SUGCT: variants seen among roughly 807,000 people sequenced by gnomAD.
SUGCT encodes succinyl-CoA:glutarate-CoA transferase.
Under a neutral mutation model 55.0 loss-of-function variants are expected in SUGCT, and 41 were observed. The ratio of observed to expected loss-of-function variants is 0.74; its 90% CI spans 0.58 to 0.97. SUGCT has a LOEUF of 0.97. Ranked by LOEUF, SUGCT falls within the 50% of genes least tolerant of loss-of-function variation. SUGCT has a pLI of 0.00. For missense variants in SUGCT, 568 were observed against 547.8 expected, an observed-to-expected ratio of 1.04 and a Z score of -0.37; for synonymous variants, 187 against 200.4, an observed-to-expected ratio of 0.93 and a Z score of 0.56.
intron 1 of SUGCT, among the ~76,000 whole-genome samples, chr7:40,175,788 A>G (rs755413566): frequency 2.4e-4 from 36 of 152,296 alleles, no homozygotes; most frequent in South Asian, 6.2e-4. Flanking sequence ...ACACTTGTTT[A>G]TAGTATGAGA....
At chr7:40,947,920 T>C in the SUGCT span, among the ~76,000 whole-genome samples, 33 of 152,220 alleles carry the variant, frequency 2.2e-4, no homozygotes, top group Non-Finnish European at 4.3e-4. Flanking sequence ...AGTCTCTTAG[T>C]GAGATTATAA....
chr7:40,541,674 GA>G (rs1337721256), intron 12 of SUGCT, among the ~76,000 whole-genome samples: 1 of 152,162 alleles, frequency 6.6e-6, no homozygotes, highest in East Asian at 1.9e-4. Context: ...AAAGTTACAT[GA>G]AATATATTAG....
At chr7:41,028,016 T>G in the SUGCT span, among the ~76,000 whole-genome samples, 3 of 152,132 alleles carry the variant, frequency 2.0e-5, no homozygotes, top group Admixed American at 2.0e-4. Context: ...TTCATAGATT[T>G]TAAGGATTAA....
chr7:41,028,495 G>C, the SUGCT span, among the ~76,000 whole-genome samples: 1 of 152,144 alleles, frequency 6.6e-6, no homozygotes, highest in African/African-American at 2.4e-5. Context: ...GGAGCATCAC[G>C]GAGTGCACTT....
At chr7:40,866,604 C>A in the SUGCT span, among the ~76,000 whole-genome samples, 1 of 151,770 alleles carries the variant, frequency 6.6e-6, no homozygotes, top group Admixed American at 6.6e-5. Context: ...AAGTCTGAGA[C>A]TACAGCAGAC....
intron 12 of SUGCT, among the ~76,000 whole-genome samples, chr7:40,565,997 A>G (rs201778071): frequency 0.17 from 11,463 of 66,698 alleles, 666 homozygotes; most frequent in Non-Finnish European, 0.29. Context: ...ACACACGCAC[A>G]CACACACACA....
intron 2 of SUGCT, 58 bp downstream of exon 2, chr7:40,181,056 T>A (rs1785171988): frequency 1.6e-6 from 2 of 1,261,382 alleles, no homozygotes; most frequent in South Asian, 1.3e-5. Context: ...CTCAAAAACT[T>A]TTAATTTTTT....
intron 13 of SUGCT, among the ~76,000 whole-genome samples, chr7:40,794,935 A>G (rs1016270249): frequency 2.0e-5 from 3 of 152,152 alleles, no homozygotes; most frequent in Admixed American, 2.0e-4. Context: ...AGATAATACA[A>G]GAATTTATGG....
At chr7:40,637,137 A>G (rs958026024) in intron 12 of SUGCT, among the ~76,000 whole-genome samples, 1 of 152,224 alleles carries the variant, frequency 6.6e-6, no homozygotes, top group Admixed American at 6.5e-5. Flanking sequence ...TGAACTCATA[A>G]TTTTGTTTCC....
intron 9 of SUGCT, among the ~76,000 whole-genome samples, chr7:40,444,513 G>A (rs1441718597): frequency 6.6e-6 from 1 of 152,040 alleles, no homozygotes; most frequent in East Asian, 1.9e-4. Context: ...CTCGTGATTT[G>A]GCTCTCTGTT....
intron 12 of SUGCT, among the ~76,000 whole-genome samples, chr7:40,610,907 G>T (rs992556686): frequency 1.3e-5 from 2 of 152,142 alleles, no homozygotes; most frequent in Non-Finnish European, 2.9e-5. Flanking sequence ...AATTCTCAAA[G>T]CAACTGAATG....
At chr7:40,867,645 A>C in the SUGCT span, among the ~76,000 whole-genome samples, 1 of 152,254 alleles carries the variant, frequency 6.6e-6, no homozygotes, top group Non-Finnish European at 1.5e-5. Flanking sequence ...ACAGCAGTGA[A>C]CTGAATAGAT....
chr7:40,857,722 GA>G (rs1047200404), intron 13 of SUGCT, among the ~76,000 whole-genome samples: 8 of 152,206 alleles, frequency 5.3e-5, no homozygotes, highest in African/African-American at 1.4e-4. Flanking sequence ...TATGTTAAGT[GA>G]AAGAAGCCAG....
chr7:40,258,567 C>G (rs747762123), intron 7 of SUGCT, among the ~76,000 whole-genome samples: 1 of 152,130 alleles, frequency 6.6e-6, no homozygotes, highest in Non-Finnish European at 1.5e-5. Flanking sequence ...TTAGTAGAGA[C>G]AGAGTTTCAC....
intron 8 of SUGCT, among the ~76,000 whole-genome samples, chr7:40,302,632 G>T (rs1476757991): frequency 6.6e-6 from 1 of 152,150 alleles, no homozygotes; most frequent in African/African-American, 2.4e-5. Context: ...CATGGAGGTT[G>T]TGGGTTTCAA....
Position 40,331,575 on chromosome 7 carries a change from C to A in SUGCT, c.816+14720C>A, listed in dbSNP as rs538925200. 2.1e-5 allele frequency among the ~76,000 whole-genome samples: 3 copies of A among 146,184 alleles called. No individual in the cohort carries two copies. The South Asian group carries it at 7.1e-4, about 35-fold the overall frequency. ...CCGGTAGCTGTGACTGCCAGTACTA[C>A]ACGAGCTCAGAGACCGCAGGCCTGC... On this transcript the variant is annotated intron_variant, in intron 9 of 13. Coordinates refer to ENST00000335693, the MANE Select transcript of SUGCT (RefSeq NM_001193313.2).
chr7:40,487,729 T>C (rs1323356877), intron 11 of SUGCT, among the ~76,000 whole-genome samples: 2 of 152,188 alleles, frequency 1.3e-5, no homozygotes, highest in East Asian at 3.8e-4. Flanking sequence ...TTATGTCCTC[T>C]TGCTGAAGTG....
chr7:40,159,404 C>T (rs187264462), intron 1 of SUGCT, among the ~76,000 whole-genome samples: 362 of 152,086 alleles, frequency 2.4e-3, no homozygotes, highest in Middle Eastern at 6.8e-3. Flanking sequence ...CTGAGTCTCG[C>T]TGTGTTGCCA....
chr7:40,601,761 C>A (rs1056899801), intron 12 of SUGCT, among the ~76,000 whole-genome samples: 1 of 150,594 alleles, frequency 6.6e-6, no homozygotes, highest in Non-Finnish European at 1.5e-5. Flanking sequence ...TTCTCATCAG[C>A]TATCTTTAGT....
Sources: gnomAD v4.1 joint callset for allele counts (sites outside exome capture counted in the v4.1 genomes callset) on GRCh38, gnomAD v4.1.1 for gene constraint, MANE v1.5 for transcripts, NCBI Gene and HGNC (gene_info 2026-07-23, HGNC 2026-07-21) for gene names.